Variants in ARID4A observed in about 807,000 individuals in gnomAD.
The protein encoded by ARID4A is AT-rich interactive domain-containing protein 4A.
Under a neutral mutation model 148.6 loss-of-function variants are expected in ARID4A, and 39 were observed. The ratio of observed to expected loss-of-function variants is 0.26; its 90% CI spans 0.20 to 0.34. The LOEUF is 0.34. ARID4A is among the 10% of genes least tolerant of loss of function. The pLI, the probability that ARID4A is intolerant of heterozygous loss-of-function variation, is 1.00. For missense variants in ARID4A, 1,265 were observed against 1,449.1 expected, an observed-to-expected ratio of 0.87 and a Z score of 2.06; for synonymous variants, 475 against 481.2, an observed-to-expected ratio of 0.99 and a Z score of 0.17.
intron 11 of ARID4A, among the ~76,000 whole-genome samples, chr14:58,341,240 T>C (rs532946910): frequency 7.2e-5 from 11 of 152,240 alleles, no homozygotes; most frequent in Non-Finnish European, 1.3e-4. Flanking sequence ...ATTTTAAATA[T>C]ACAAATCTGA....
chr14:58,363,957 A>G (rs533064219), intron 19 of ARID4A, among the ~76,000 whole-genome samples: 29 of 152,276 alleles, frequency 1.9e-4, no homozygotes, highest in African/African-American at 7.0e-4. Context: ...GTAATATGCA[A>G]CGTAATATAT....
chr14:58,317,232 A>G (rs911103347), intron 5 of ARID4A, among the ~76,000 whole-genome samples: 4 of 149,998 alleles, frequency 2.7e-5, no homozygotes, highest in Non-Finnish European at 5.9e-5. Context: ...AAAATTTGAG[A>G]AAGCATCTAT....
At chr14:58,352,243 A>C (rs997779120) in intron 16 of ARID4A, among the ~76,000 whole-genome samples, 21 of 152,206 alleles carry the variant, frequency 1.4e-4, no homozygotes, top group African/African-American at 4.8e-4. Context: ...GGGAGAGGTA[A>C]TTTGATTAAA....
intron 11 of ARID4A, among the ~76,000 whole-genome samples, chr14:58,333,575 C>A (rs895906784): frequency 6.6e-6 from 1 of 152,036 alleles, no homozygotes. Flanking sequence ...TTTTAAATAA[C>A]TACTGCCATT....
intron 5 of ARID4A, among the ~76,000 whole-genome samples, chr14:58,310,969 G>A (rs1292940079): frequency 6.6e-6 from 1 of 152,000 alleles, no homozygotes; most frequent in Non-Finnish European, 1.5e-5. Flanking sequence ...CAAAAGGCTG[G>A]GCACGGTGGC....
intron 18 of ARID4A, among the ~76,000 whole-genome samples, chr14:58,359,788 C>T (rs1324413398): frequency 2.0e-5 from 3 of 152,094 alleles, no homozygotes; most frequent in Admixed American, 1.3e-4. Flanking sequence ...TCATCTTGGC[C>T]GGGCATGGTG....
At chr14:58,340,098 G>A (rs986081180) in intron 11 of ARID4A, among the ~76,000 whole-genome samples, 11 of 152,132 alleles carry the variant, frequency 7.2e-5, no homozygotes, top group Non-Finnish European at 1.6e-4. Flanking sequence ...TAGGAAGTCT[G>A]TTTACTAGAA....
intron 7 of ARID4A, among the ~76,000 whole-genome samples, chr14:58,322,339 C>T (rs898077796): frequency 6.6e-6 from 1 of 152,010 alleles, no homozygotes; most frequent in Non-Finnish European, 1.5e-5. Context: ...TAATTCAATA[C>T]CCAGTATTTT....
intron 10 of ARID4A, 86 bp downstream of exon 10, chr14:58,329,690 T>C (rs2033412266): frequency 8.4e-7 from 1 of 1,189,354 alleles, no homozygotes; most frequent in Admixed American, 1.8e-5. Flanking sequence ...TACTCTCTGG[T>C]ACCACCATTT....
At chr14:58,355,388 A>T (rs1002794703) in intron 17 of ARID4A, among the ~76,000 whole-genome samples, 2 of 152,148 alleles carry the variant, frequency 1.3e-5, no homozygotes, top group African/African-American at 4.8e-5. Context: ...TATATATCCT[A>T]TGATTTTTCC....
At chr14:58,336,977 C>T (rs1026578722) in intron 11 of ARID4A, among the ~76,000 whole-genome samples, 1 of 150,850 alleles carries the variant, frequency 6.6e-6, no homozygotes, top group Non-Finnish European at 1.5e-5. Flanking sequence ...CTGCAACCTC[C>T]GCCTCCCGAG....
chr14:58,357,690 T>C (rs775702835), intron 17 of ARID4A, among the ~76,000 whole-genome samples: 14 of 151,156 alleles, frequency 9.3e-5, no homozygotes, highest in African/African-American at 2.9e-4. Flanking sequence ...TCTTCTTCCA[T>C]TGTGGCCCAG....
intron 16 of ARID4A, among the ~76,000 whole-genome samples, chr14:58,352,994 A>T (rs1199590652): frequency 6.6e-6 from 1 of 152,206 alleles, no homozygotes; most frequent in Non-Finnish European, 1.5e-5. Context: ...CAGTGTCAAC[A>T]AATGACCTAA....
At position 58,367,017 on chromosome 14, in the gene ARID4A, A is replaced by C; in HGVS notation, c.3658A>C (p.Lys1220Gln). ...CAGGAGGAGAAAAAGATTAAAAAAG[A>C]AAGACAGGGAAGGTAATTTTATTAT... is the stretch of plus-strand genomic sequence containing the variant. ...IDRRRKRLKK[K>Q]DREVSHAGAS... The change falls in exon 23 of 24, where the codon AAA becomes CAA. Residue 1220 changes from lysine (K) to glutamine (Q), a missense_variant. Physicochemically the swap from Lys to Gln is moderately conservative, Grantham distance 53. Around this residue, in one of 9 missense-constraint regions of ARID4A, gnomAD observed 666 missense variants for 730.9 expected, o/e 0.91. Coordinates refer to ENST00000355431, the MANE Select transcript of ARID4A (RefSeq NM_002892.4). 1 of 1,492,464 alleles carries C rather than the reference A, an allele frequency of 6.7e-7. No homozygotes were observed. Among genetic ancestry groups the C allele is most frequent in the Non-Finnish European group, 8.9e-7 (1 of 1,127,720 alleles). 92.5% of individuals were successfully genotyped at this position (1,492,464 alleles called of 1,614,324 possible).
At position 58,372,076 on chromosome 14, in the gene ARID4A, T is replaced by G; in HGVS notation, c.*87T>G. ...ATTACAACCACAGAAAGCACTCAAC[T>G]GGTTTGACATTGCTAAGTATATCCT... On this transcript the variant is annotated 3_prime_UTR_variant, in exon 24 of 24. Transcript: ENST00000355431. 2 of 893,594 alleles carry G rather than the reference T, an allele frequency of 2.2e-6. No individual in the cohort carries two copies. The highest frequency in any genetic ancestry group is 3.7e-6 in the Non-Finnish European group (2 of 546,698). 55.4% of individuals were successfully genotyped at this position (893,594 alleles called of 1,614,324 possible).
chr14:58,330,664 C>T (rs2033470952), intron 11 of ARID4A, among the ~76,000 whole-genome samples: 1 of 151,952 alleles, frequency 6.6e-6, no homozygotes, highest in Non-Finnish European at 1.5e-5. Context: ...AGACATTTCA[C>T]AATATTTCAA....
chr14:58,367,026 G>A lies in ARID4A; in HGVS notation c.3667G>A (p.Glu1223Lys), dbSNP rs556525305. ...RRKRLKKKDR[E>K]VSHAGASMSS... ...AAAAAGATTAAAAAAGAAAGACAGG[G>A]AAGGTAATTTTATTATGATTTTTCT... Residue 1223 changes from glutamate to lysine, a missense_variant, in exon 23 of 24, where the codon GAA becomes AAA. By Grantham distance (56) the Glu-to-Lys change is moderately conservative (BLOSUM62 1). Around this residue, in one of 9 missense-constraint regions of ARID4A, gnomAD observed 666 missense variants for 730.9 expected, o/e 0.91. Transcript: ENST00000355431. The A allele has an allele frequency of 8.8e-6, 13 of 1,485,360 alleles. No individual in the cohort carries two copies. Among genetic ancestry groups the A allele is most frequent in the African/African-American group, 1.5e-5 (1 of 68,274 alleles). The allele number at this position is 1,485,360 out of a possible 1,614,324, so 92.0% of individuals were successfully genotyped here.
chr14:58,368,770 T>C (rs1460817655), intron 23 of ARID4A, among the ~76,000 whole-genome samples: 3 of 152,264 alleles, frequency 2.0e-5, no homozygotes, highest in Admixed American at 1.3e-4. Context: ...TTATGTTTCA[T>C]AGACACTTTA....
intron 3 of ARID4A, among the ~76,000 whole-genome samples, chr14:58,302,988 T>A (rs1016184504): frequency 1.4e-4 from 21 of 152,166 alleles, no homozygotes; most frequent in African/African-American, 5.1e-4. Context: ...TAAGATGCTT[T>A]TACTCTGAAA....
Sources: gnomAD v4.1 joint callset for allele counts (sites outside exome capture counted in the v4.1 genomes callset) on GRCh38, gnomAD v4.1.1 for gene constraint, gnomAD v4.1.1 regional missense constraint, MANE v1.5 for transcripts, NCBI Gene and HGNC (gene_info 2026-07-23, HGNC 2026-07-21) for gene names.